ADAMTSL1: variants seen among roughly 807,000 people sequenced by gnomAD.
The protein encoded by ADAMTSL1 is ADAMTS like 1, also known as ADAMTS-like protein 1.
Under a neutral mutation model 201.8 loss-of-function variants are expected in ADAMTSL1, and 126 were observed. The ratio of observed to expected loss-of-function variants is 0.62; its 90% CI spans 0.54 to 0.72. The LOEUF is 0.72. Among genes scored for constraint, ADAMTSL1 ranks in the 30% least tolerant of loss-of-function variants. The pLI, the probability that ADAMTSL1 is intolerant of heterozygous loss-of-function variation, is 0.00. For synonymous variants in ADAMTSL1, 1,121 were observed against 903.4 expected (o/e 1.24, Z -4.32); for missense variants, 2,679 against 2,277.8 (o/e 1.18, Z -3.59).
At chr9:18,603,103 A>G (rs1470955699) in intron 4 of ADAMTSL1, among the ~76,000 whole-genome samples, 3 of 152,142 alleles carry the variant, frequency 2.0e-5, no homozygotes, top group African/African-American at 4.8e-5. Flanking sequence ...TTCAACCCCT[A>G]TGGCTGGGTT....
chr9:17,995,547 G>A (rs183803464), intron 1 of ADAMTSL1, among the ~76,000 whole-genome samples: 19 of 152,094 alleles, frequency 1.2e-4, no homozygotes, highest in African/African-American at 4.6e-4. Context: ...GAATAGTTTG[G>A]TCTGAACTAG....
chr9:18,041,768 A>C (rs1165161804), intron 1 of ADAMTSL1, among the ~76,000 whole-genome samples: 1 of 152,160 alleles, frequency 6.6e-6, no homozygotes, highest in East Asian at 1.9e-4. Flanking sequence ...TATTTTGTAC[A>C]TACAGATTTA....
chr9:18,773,148 G>A (rs1820789861), intron 17 of ADAMTSL1, among the ~76,000 whole-genome samples: 1 of 152,114 alleles, frequency 6.6e-6, no homozygotes, highest in Non-Finnish European at 1.5e-5. Context: ...AGACCTAAAT[G>A]ATCTATGGGT....
chr9:18,874,922 T>A (rs111922859), intron 23 of ADAMTSL1, among the ~76,000 whole-genome samples: 5 of 152,142 alleles, frequency 3.3e-5, no homozygotes, highest in African/African-American at 9.6e-5. Context: ...GGCAATTTTT[T>A]ATTACCATTT....
At chr9:18,885,846 C>T (rs1828815714) in intron 23 of ADAMTSL1, among the ~76,000 whole-genome samples, 1 of 151,982 alleles carries the variant, frequency 6.6e-6, no homozygotes, top group Non-Finnish European at 1.5e-5. Context: ...ACGGTCCAGG[C>T]GTCGGATAGA....
At chr9:18,387,723 C>A (rs1042694067) in intron 2 of ADAMTSL1, among the ~76,000 whole-genome samples, 1 of 151,824 alleles carries the variant, frequency 6.6e-6, no homozygotes, top group African/African-American at 2.4e-5. Flanking sequence ...TTTAGATTTT[C>A]TTTAAGACAG....
At chr9:17,968,075 C>T (rs1043872906) in intron 1 of ADAMTSL1, among the ~76,000 whole-genome samples, 7 of 152,028 alleles carry the variant, frequency 4.6e-5, no homozygotes, top group East Asian at 1.9e-4. Context: ...TTTAGTTGTT[C>T]GAGGAAGAAT....
chr9:17,948,257 C>A (rs937367241), intron 1 of ADAMTSL1, among the ~76,000 whole-genome samples: 5 of 152,138 alleles, frequency 3.3e-5, no homozygotes, highest in African/African-American at 1.2e-4. Flanking sequence ...AGTGTTCCAA[C>A]TCCTCTCTGC....
intron 2 of ADAMTSL1, among the ~76,000 whole-genome samples, chr9:18,261,788 C>T (rs775933435): frequency 2.6e-5 from 4 of 152,062 alleles, no homozygotes; most frequent in Admixed American, 6.5e-5. Flanking sequence ...GTAGGTGGCA[C>T]GCATATCATA....
chr9:18,647,966 C>G (rs1408341875), intron 7 of ADAMTSL1, among the ~76,000 whole-genome samples: 1 of 149,842 alleles, frequency 6.7e-6, no homozygotes, highest in Admixed American at 6.7e-5. Context: ...CTTGTTGATC[C>G]GTCTAATGTT....
chr9:18,581,790 A>G (rs1823113305), intron 4 of ADAMTSL1, among the ~76,000 whole-genome samples: 1 of 152,204 alleles, frequency 6.6e-6, no homozygotes. Flanking sequence ...AAAATCCACT[A>G]GATTTCAAGG....
intron 19 of ADAMTSL1, among the ~76,000 whole-genome samples, chr9:18,779,612 C>T (rs1821267754): frequency 6.6e-6 from 1 of 152,222 alleles, no homozygotes. Flanking sequence ...CTGTCCACGC[C>T]CTCCAGCCCC....
At chr9:18,599,871 G>T (rs924621348) in intron 4 of ADAMTSL1, among the ~76,000 whole-genome samples, 1 of 151,060 alleles carries the variant, frequency 6.6e-6, no homozygotes, top group African/African-American at 2.4e-5. Flanking sequence ...AATCAGATCT[G>T]GCTGGGCGCG....
At chr9:18,402,070 A>C (rs569012588) in intron 2 of ADAMTSL1, among the ~76,000 whole-genome samples, 24 of 152,286 alleles carry the variant, frequency 1.6e-4, no homozygotes, top group Admixed American at 1.6e-3. Flanking sequence ...CATTCCTGAG[A>C]GTTATCACCG....
intron 3 of ADAMTSL1, among the ~76,000 whole-genome samples, chr9:18,562,321 C>A (rs544314657): frequency 4.2e-4 from 64 of 152,030 alleles, no homozygotes; most frequent in Non-Finnish European, 6.8e-4. Flanking sequence ...GTTGAAAATT[C>A]TTTTAAGAAT....
chr9:18,335,945 A>G (rs1168758679), intron 2 of ADAMTSL1, among the ~76,000 whole-genome samples: 4 of 152,170 alleles, frequency 2.6e-5, no homozygotes, highest in African/African-American at 4.8e-5. Flanking sequence ...GAAGGGCTAT[A>G]TTCTACAATT....
At chr9:18,098,260 C>A (rs1824341280) in intron 1 of ADAMTSL1, among the ~76,000 whole-genome samples, 1 of 151,942 alleles carries the variant, frequency 6.6e-6, no homozygotes, top group Non-Finnish European at 1.5e-5. Flanking sequence ...CAACTTTGTT[C>A]TTCCTTTTTC....
intron 2 of ADAMTSL1, among the ~76,000 whole-genome samples, chr9:18,197,145 G>A (rs1014793975): frequency 3.3e-5 from 5 of 152,126 alleles, no homozygotes; most frequent in Admixed American, 2.0e-4. Context: ...GTAAGCAAAT[G>A]AATGAGTGAA....
chr9:18,269,843 TCC>T (rs1470312756), intron 2 of ADAMTSL1, among the ~76,000 whole-genome samples: 1 of 75,360 alleles, frequency 1.3e-5, no homozygotes, highest in Non-Finnish European at 2.6e-5. Context: ...TTCCTCTTCA[TCC>T]TTTTTTTTTT....
Sources: gnomAD v4.1 joint callset for allele counts (sites outside exome capture counted in the v4.1 genomes callset) on GRCh38, gnomAD v4.1.1 for gene constraint, MANE v1.5 for transcripts, NCBI Gene and HGNC (gene_info 2026-07-23, HGNC 2026-07-21) for gene names.